CCDC61: variants seen among roughly 807,000 people sequenced by gnomAD.
The protein encoded by CCDC61 is coiled-coil domain containing 61.
A neutral mutation model predicts 63.0 loss-of-function variants in CCDC61; 55 were observed. That is an observed-to-expected ratio of 0.87 (90% CI 0.70 to 1.09). The LOEUF (loss-of-function observed/expected upper bound fraction) is 1.09. Ranked by LOEUF, CCDC61 falls within the 50% of genes least tolerant of loss-of-function variation. CCDC61 has a pLI of 0.00. For missense variants in CCDC61, 651 were observed against 731.4 expected (o/e 0.89, Z 1.27); for synonymous variants, 270 against 317.0 (o/e 0.85, Z 1.58).
Position 46,016,860 on chromosome 19 carries a change from C to CGGGCTAGGCGGGACTGGGCG in CCDC61, c.1231+33_1231+52dup, listed in dbSNP as rs1568698046. On this transcript the variant is annotated intron_variant, in intron 10 of 13. Transcript: ENST00000595358. The surrounding 1 kb of genome is among the most constrained non-coding windows in gnomAD (Gnocchi z 7.2). ...TAACTGGCCTGGAGCTGGGGGCTGC[C>CGGGCTAGGCGGGACTGGGCG]GGGCTAGGCGGGACTGGGCGGGGCT... The CGGGCTAGGCGGGACTGGGCG allele has an allele frequency of 9.9e-7, 1 of 1,009,044 alleles. No individual in the cohort carries two copies. Among genetic ancestry groups the CGGGCTAGGCGGGACTGGGCG allele is most frequent in the Admixed American group, 3.1e-5 (1 of 31,846 alleles). The allele number at this position is 1,009,044 out of a possible 1,614,324, so 62.5% of individuals were successfully genotyped here.
chr19:46,003,298 G>A, intron 2 of CCDC61, 121 bp from the exon 3 acceptor site: 2 of 1,423,626 alleles, frequency 1.4e-6, no homozygotes, highest in Non-Finnish European at 1.9e-6. Flanking sequence ...GTGGGGAGGG[G>A]TGTAGGTCTT....
chr19:46,000,815 G>A (rs1968576129), intron 1 of CCDC61, among the ~76,000 whole-genome samples: 1 of 151,936 alleles, frequency 6.6e-6, no homozygotes. Flanking sequence ...CTGGGATCAG[G>A]GCGGGGTGGG....
intron 5 of CCDC61, among the ~76,000 whole-genome samples, chr19:46,014,333 A>G (rs1048956633): frequency 3.3e-5 from 5 of 152,168 alleles, no homozygotes; most frequent in Admixed American, 2.6e-4. Context: ...TTTTGAAAAT[A>G]TAAACATATA....
intron 3 of CCDC61, among the ~76,000 whole-genome samples, chr19:46,004,835 CTTTTTTTTTTTTTTTT>C (rs748867869): frequency 2.1e-5 from 2 of 95,246 alleles, no homozygotes; most frequent in African/African-American, 8.7e-5. Flanking sequence ...ATTTAGATAT[CTTTTTTTTTTTTTTTT>C]TTTTTTTTTT....
At chr19:46,005,081 G>A (rs1260839746) in intron 3 of CCDC61, among the ~76,000 whole-genome samples, 1 of 151,768 alleles carries the variant, frequency 6.6e-6, no homozygotes, top group Non-Finnish European at 1.5e-5. Context: ...CATGATATTG[G>A]CTCACTGCAA....
At chr19:45,997,045 T>G (rs1202441939) in intron 1 of CCDC61, among the ~76,000 whole-genome samples, 1 of 151,992 alleles carries the variant, frequency 6.6e-6, no homozygotes, top group East Asian at 1.9e-4. Flanking sequence ...TCCCCTCAAC[T>G]CCCATCACTT....
At chr19:46,008,889 G>GC in intron 5 of CCDC61, among the ~76,000 whole-genome samples, 1 of 152,276 alleles carries the variant, frequency 6.6e-6, no homozygotes. Context: ...GGTGTTCTTG[G>GC]CAAAGGGAGC....
intron 3 of CCDC61, 140 bp from the exon 4 acceptor site, chr19:46,006,419 C>A: frequency 1.4e-6 from 1 of 698,858 alleles, no homozygotes; most frequent in East Asian, 2.8e-5. Flanking sequence ...TAGGACAGGG[C>A]CATGTTGATT....
chr19:46,006,596 C>G lies in CCDC61; in HGVS notation c.269C>G (p.Thr90Arg). The change falls in exon 4 of 14, where the codon ACA (threonine) becomes AGA (arginine). Residue 90 changes from threonine (T) to arginine (R), a missense_variant. Thr to Arg is a moderately conservative substitution (Grantham distance 71, BLOSUM62 -1). Transcript: ENST00000595358. ...GTCACCCTGGACCTGCTGACCTACACAGACCTGGAGTCCCTGCGGAACCGC... is the reference window on the plus strand; with the variant it reads ...GTCACCCTGGACCTGCTGACCTACAGAGACCTGGAGTCCCTGCGGAACCGC... ...ESVTLDLLTYTDLESLRNRKM... is the reference protein window; with the variant it reads ...ESVTLDLLTYRDLESLRNRKM... 6.2e-7 allele frequency: 1 copy of G among 1,612,586 alleles called. No homozygotes were observed. Among genetic ancestry groups the G allele is most frequent in the Non-Finnish European group, 8.5e-7 (1 of 1,179,094 alleles).
intron 1 of CCDC61, among the ~76,000 whole-genome samples, chr19:45,997,089 C>A (rs1213611188): frequency 6.6e-6 from 1 of 152,198 alleles, no homozygotes; most frequent in Admixed American, 6.5e-5. Flanking sequence ...GCTGCAGCCA[C>A]CCTGGCCTCC....
At position 46,015,455 on chromosome 19, in the gene CCDC61, G is replaced by T; in HGVS notation, c.845+28G>T. 6.3e-7 allele frequency: 1 copy of T among 1,585,180 alleles called. No individual in the cohort carries two copies. ...GAGAGCGAGGCCTGCCAGGCGCCTG[G>T]GCGGATGGGCGGGCCCTGAGGGTGT... On this transcript the variant is annotated intron_variant, in intron 7 of 13. Transcript: ENST00000595358. The surrounding 1 kb of genome is among the most constrained non-coding windows in gnomAD (Gnocchi z 5.3).
intron 4 of CCDC61, 144 bp downstream of exon 4, chr19:46,006,860 C>A: frequency 1.4e-6 from 1 of 740,196 alleles, no homozygotes; most frequent in Non-Finnish European, 2.2e-6. Context: ...GGGTTTGTAT[C>A]ATTTAGTATT....
At chr19:46,008,994 C>T (rs995462750) in intron 5 of CCDC61, among the ~76,000 whole-genome samples, 2 of 152,244 alleles carry the variant, frequency 1.3e-5, no homozygotes, top group Admixed American at 6.5e-5. Flanking sequence ...CTGCCACTCA[C>T]GTAGTGCCCA....
chr19:46,006,842 C>T, intron 4 of CCDC61, 126 bp downstream of exon 4: 1 of 866,932 alleles, frequency 1.2e-6, no homozygotes, highest in African/African-American at 1.7e-5. Context: ...TGGGAATCTT[C>T]CCTGTTGGGG....
intron 3 of CCDC61, among the ~76,000 whole-genome samples, 165 bp from the exon 4 acceptor site, chr19:46,006,394 T>C (rs1338764277): frequency 6.6e-6 from 1 of 152,228 alleles, no homozygotes; most frequent in Non-Finnish European, 1.5e-5. Context: ...TTCGATGAAG[T>C]CCTTGTGTCT....
chr19:46,003,159 T>C lies in CCDC61; in HGVS notation c.141T>C (p.Asp47=). ...CTGACCAGTGGCGGGGCGAGTTCGA[T>C]GCTGGCTGTGAGTGTGCCTGCCTGG... ...MTADQWRGEF[D]AGFIEDLTHK... Residue 47 remains aspartate (D), a synonymous_variant, in exon 2 of 14, where the codon GAT becomes GAC. Coordinates refer to ENST00000595358, the MANE Select transcript of CCDC61 (RefSeq NM_001267723.2). 6.2e-7 allele frequency: 1 copy of C among 1,608,276 alleles called. No individual in the cohort carries two copies. Among genetic ancestry groups the C allele is most frequent in the African/African-American group, 1.3e-5 (1 of 74,980 alleles).
At chr19:46,014,332 T>C (rs996784769) in intron 5 of CCDC61, among the ~76,000 whole-genome samples, 3 of 152,192 alleles carry the variant, frequency 2.0e-5, no homozygotes, top group African/African-American at 7.2e-5. Context: ...ATTTTGAAAA[T>C]ATAAACATAT....
intron 1 of CCDC61, among the ~76,000 whole-genome samples, chr19:46,001,148 C>T (rs1314833054): frequency 2.0e-5 from 3 of 152,224 alleles, no homozygotes; most frequent in Admixed American, 6.5e-5. Flanking sequence ...GGGGCCAGTG[C>T]TGCCACGCAC....
intron 1 of CCDC61, among the ~76,000 whole-genome samples, chr19:45,999,742 AATG>A (rs1162885190): frequency 6.6e-6 from 1 of 151,988 alleles, no homozygotes; most frequent in East Asian, 1.9e-4. Context: ...CATCCTAGTG[AATG>A]ATGAGAGGGA....
Sources: gnomAD v4.1 joint callset for allele counts (sites outside exome capture counted in the v4.1 genomes callset) on GRCh38, gnomAD v4.1.1 for gene constraint, Gnocchi (gnomAD v3.1) non-coding constraint, MANE v1.5 for transcripts, NCBI Gene and HGNC (gene_info 2026-07-23, HGNC 2026-07-21) for gene names.